CLHC1: variants seen among roughly 807,000 people sequenced by gnomAD.
CLHC1 encodes clathrin heavy chain linker domain-containing protein 1.
CLHC1 carries 72 observed loss-of-function variants against 69.5 expected under a neutral mutation model. That is an observed-to-expected ratio of 1.04 (90% CI 0.86 to 1.26). CLHC1 has a LOEUF of 1.26. CLHC1 is among the 50% of genes most tolerant of loss of function. The pLI is 0.00. For synonymous variants in CLHC1, 223 were observed against 224.3 expected (o/e 0.99, Z 0.05); for missense variants, 790 against 679.3 (o/e 1.16, Z -1.81).
intron 2 of CLHC1, chr2:55,224,551 G>A (rs1264820278): frequency 3.5e-6 from 1 of 284,268 alleles, no homozygotes; most frequent in Non-Finnish European, 7.2e-6. Flanking sequence ...ATCTGCCACA[G>A]GGCGACATGC....
chr2:55,185,594 C>A (rs540042135), intron 9 of CLHC1, among the ~76,000 whole-genome samples: 7 of 152,148 alleles, frequency 4.6e-5, no homozygotes, highest in African/African-American at 1.7e-4. Context: ...ATCCCCAGCA[C>A]CTAGAACAAT....
intron 1 of CLHC1, among the ~76,000 whole-genome samples, chr2:55,229,414 A>C (rs547291907): frequency 3.2e-4 from 49 of 152,272 alleles, no homozygotes; most frequent in Middle Eastern, 3.4e-3. Context: ...GAGAGTAGCC[A>C]GTCCAAAGGC....
intron 9 of CLHC1, among the ~76,000 whole-genome samples, chr2:55,187,728 G>A (rs1216733906): frequency 6.6e-6 from 1 of 151,908 alleles, no homozygotes; most frequent in East Asian, 1.9e-4. Context: ...TATTTTCAGA[G>A]GAGAAAAAAG....
intron 3 of CLHC1, chr2:55,218,347 T>TC (rs1215754410): frequency 6.3e-6 from 1 of 158,520 alleles, no homozygotes; most frequent in African/African-American, 2.4e-5. Flanking sequence ...TTCTGTATCT[T>TC]CTCTTACTCG....
intron 9 of CLHC1, among the ~76,000 whole-genome samples, chr2:55,196,153 G>A (rs555647615): frequency 6.6e-6 from 1 of 152,218 alleles, no homozygotes; most frequent in Admixed American, 6.5e-5. Flanking sequence ...GCCCTAGCCA[G>A]AAGAGAATCA....
intron 4 of CLHC1, among the ~76,000 whole-genome samples, chr2:55,214,186 CATAA>C (rs1252286405): frequency 6.6e-6 from 1 of 152,152 alleles, no homozygotes; most frequent in Non-Finnish European, 1.5e-5. Context: ...TTTGTCAATA[CATAA>C]ATGTCACAGG....
intron 10 of CLHC1, among the ~76,000 whole-genome samples, chr2:55,181,353 T>A (rs1454837836): frequency 6.6e-6 from 1 of 152,132 alleles, no homozygotes; most frequent in African/African-American, 2.4e-5. Flanking sequence ...GGTCTTGAAT[T>A]CCTGACCTCA....
chr2:55,205,400 T>TACACACAC (rs35508061), intron 9 of CLHC1, among the ~76,000 whole-genome samples: 11 of 147,700 alleles, frequency 7.4e-5, no homozygotes, highest in African/African-American at 1.2e-4. Flanking sequence ...ATAAAGAAAA[T>TACACACAC]ACACACACAC....
intron 3 of CLHC1, among the ~76,000 whole-genome samples, chr2:55,221,193 C>G (rs185978821): frequency 7.9e-5 from 12 of 152,046 alleles, no homozygotes; most frequent in Non-Finnish European, 1.3e-4. Flanking sequence ...TTTACTGAAG[C>G]CTTAAGGTAA....
chr2:55,210,632 G>A (rs1057492029), intron 5 of CLHC1, among the ~76,000 whole-genome samples: 2 of 152,162 alleles, frequency 1.3e-5, no homozygotes, highest in African/African-American at 2.4e-5. Flanking sequence ...CTGTTACTCA[G>A]TAACGCCACG....
At chr2:55,227,104 AG>A (rs1445932436) in intron 2 of CLHC1, among the ~76,000 whole-genome samples, 1 of 152,266 alleles carries the variant, frequency 6.6e-6, no homozygotes, top group Non-Finnish European at 1.5e-5. Context: ...GAAGATTAAA[AG>A]GCCAAAATTA....
chr2:55,180,978 A>C (rs1208745779), intron 10 of CLHC1, among the ~76,000 whole-genome samples: 1 of 152,036 alleles, frequency 6.6e-6, no homozygotes, highest in African/African-American at 2.4e-5. Context: ...AGGAAACTAA[A>C]TGCATATATA....
At chr2:55,179,728 G>T (rs1159348717) in intron 11 of CLHC1, among the ~76,000 whole-genome samples, 4 of 152,016 alleles carry the variant, frequency 2.6e-5, no homozygotes, top group African/African-American at 7.3e-5. Flanking sequence ...TCCAACTAGG[G>T]TCACCCTAAG....
rs970404782 is a variant in CLHC1 at position 55,198,520 on chromosome 2, G to A, written c.1006+7750C>T. On this transcript the variant is annotated intron_variant, in intron 9 of 12. Transcript: ENST00000401408. ...GAATCGCTTGAACCCAGGAGGCAGAGGTTGCAGTGAGCCGAGATCACACCA... is the reference window on the plus strand; with the variant it reads ...GAATCGCTTGAACCCAGGAGGCAGAAGTTGCAGTGAGCCGAGATCACACCA... Among the ~76,000 whole-genome samples the A allele has an allele frequency of 3.3e-5, 5 of 151,794 alleles. No homozygotes were observed. In the South Asian group the frequency reaches 8.4e-4, roughly 25 times the overall value.
chr2:55,179,526 T>C (rs6727118), intron 11 of CLHC1, among the ~76,000 whole-genome samples: 47,739 of 151,996 alleles, frequency 0.31, 7,777 homozygotes, highest in African/African-American at 0.38. Flanking sequence ...ATTCAACAAC[T>C]ACTAAAACTC....
chr2:55,211,440 T>C (rs1558498385), intron 5 of CLHC1, among the ~76,000 whole-genome samples: 1 of 148,988 alleles, frequency 6.7e-6, no homozygotes, highest in Non-Finnish European at 1.5e-5. Flanking sequence ...AGGCGGAGCT[T>C]GCAGTGAGCC....
At chr2:55,179,979 C>G (rs565592707) in intron 11 of CLHC1, among the ~76,000 whole-genome samples, 3 of 151,942 alleles carry the variant, frequency 2.0e-5, no homozygotes, top group Admixed American at 1.3e-4. Context: ...ACGGTGAAAC[C>G]CTGTCTCTAC....
rs1208192310 is a variant in CLHC1, at chr2:55,177,639, G to A, written c.1527C>T (p.Gly509=). 5 of 1,607,422 alleles carry A rather than the reference G, an allele frequency of 3.1e-6. No individual in the cohort carries two copies. Among genetic ancestry groups the A allele is most frequent in the Non-Finnish European group, 4.2e-6 (5 of 1,176,590 alleles). ...TATTGATTTCTTGAAGTAGCTTAAT[G>A]CCAACTTTTTTCATGTCTGCAGAGA... ...HLFSADMKKV[G]IKLLQEINKG... The change falls in exon 12 of 13, where the codon GGC becomes GGT. Residue 509 remains glycine, a synonymous_variant. Transcript: ENST00000401408.
At chr2:55,179,119 C>A (rs1669675830) in intron 11 of CLHC1, among the ~76,000 whole-genome samples, 1 of 151,850 alleles carries the variant, frequency 6.6e-6, no homozygotes, top group African/African-American at 2.4e-5. Context: ...AAATCTATAT[C>A]CCATGTCTAA....
Sources: allele counts gnomAD v4.1 joint callset (sites outside exome capture counted in the v4.1 genomes callset), GRCh38; gene constraint gnomAD v4.1.1; transcripts MANE v1.5; gene names NCBI Gene and HGNC (gene_info 2026-07-23, HGNC 2026-07-21).